The following INPPL1 variants were observed in gnomAD, a reference collection of about 807,000 sequenced individuals.
The protein encoded by INPPL1 is phosphatidylinositol 3,4,5-trisphosphate 5-phosphatase 2.
INPPL1 carries 91 observed loss-of-function variants against 139.3 expected under a neutral mutation model. The ratio of observed to expected loss-of-function variants is 0.65; its 90% confidence interval spans 0.55 to 0.78. The LOEUF is 0.78. Among genes scored for constraint, INPPL1 ranks in the 30% least tolerant of loss-of-function variants. The pLI is 0.00. For missense variants in INPPL1, 1,411 were observed against 1,665.6 expected, an observed-to-expected ratio of 0.85 and a Z score of 2.66; for synonymous variants, 719 against 686.6, an observed-to-expected ratio of 1.05 and a Z score of -0.74.
intron 19 of INPPL1, 92 bp downstream of exon 19, chr11:72,233,836 G>T: frequency 4.4e-6 from 4 of 918,048 alleles, no homozygotes; most frequent in Non-Finnish European, 7.2e-6. Flanking sequence ...CTATGTAAGT[G>T]TGTGTGTGGG....
In INPPL1 at chr11:72,226,097, T is replaced by C. The variant is rs144307763; in HGVS notation, c.182+931T>C. On this transcript the variant is annotated intron_variant, in intron 1 of 27. Transcript: ENST00000298229. The stretch of plus-strand genomic sequence containing the variant: ...CTCTGTGAACCCCCTCCCAAACTCC[T>C]GTCCCACTGTACCTTCCTTACCCCT... Among the ~76,000 whole-genome samples, 50 of 152,206 alleles carry C rather than the reference T, an allele frequency of 3.3e-4. No homozygotes were observed. In the East Asian group the frequency reaches 8.9e-3, roughly 27 times the overall value.
In INPPL1 at chr11:72,228,352, C is replaced by T. The variant is rs957763736; in HGVS notation, c.251C>T (p.Ser84Leu). 3.7e-6 allele frequency: 6 copies of T among 1,613,730 alleles called. No individual in the cohort carries two copies. The highest frequency in any genetic ancestry group is 2.2e-5 in the East Asian group (1 of 44,872). The change falls in exon 3 of 28, where the codon TCG (serine) becomes TTG (leucine). Residue 84 changes from serine (S) to leucine (L), a missense_variant. Transcript: ENST00000298229. This position sits in a 1 kb window ranked among gnomAD's most constrained non-coding sequence, Gnocchi z 5.0. The part of the protein sequence containing the change: ...DGEDFLAVQT[S>L]QGVPVRRFQT... ...CCCACCCTTGCTGGCCCACAGACCT[C>T]GCAGGGTGTGCCTGTGCGCCGCTTC... is the stretch of plus-strand genomic sequence containing the variant.
intron 1 of INPPL1, among the ~76,000 whole-genome samples, chr11:72,226,025 G>A (rs1421806370): frequency 6.6e-6 from 1 of 152,148 alleles, no homozygotes; most frequent in African/African-American, 2.4e-5. Flanking sequence ...TGTGGGGGCT[G>A]CTTTATTTAG....
At chr11:72,231,420 A>G (rs1948831048) in intron 12 of INPPL1, 78 bp from the exon 13 acceptor site, 1 of 1,203,320 alleles carries the variant, frequency 8.3e-7, no homozygotes, top group South Asian at 1.2e-5. Flanking sequence ...GATGGACACA[A>G]AAGTCTATTT....
chr11:72,225,277 G>A (rs559315483), intron 1 of INPPL1, 111 bp downstream of exon 1: 1 of 1,220,248 alleles, frequency 8.2e-7, no homozygotes, highest in Non-Finnish European at 1.0e-6. Flanking sequence ...CGCCAGACCC[G>A]CCTCCACCCC....
Position 72,228,669 on chromosome 11 carries a change from C to A in INPPL1, c.398-58C>A. The A allele has an allele frequency of 1.9e-6, 3 of 1,585,956 alleles. No homozygotes were observed. The South Asian group carries it at 3.4e-5, about 18-fold the overall frequency. On this transcript the variant is annotated intron_variant, in intron 3 of 27. Transcript: ENST00000298229. The surrounding 1 kb of genome is among the most constrained non-coding windows in gnomAD (Gnocchi z 5.0). ...AAGTCACTTTACAGCTGCATCGTGC[C>A]TCCTACTCCACTGAGTGTGGGAGGC...
intron 1 of INPPL1, 138 bp downstream of exon 1, chr11:72,225,304 G>A: frequency 8.2e-7 from 1 of 1,222,462 alleles, no homozygotes; most frequent in Non-Finnish European, 1.0e-6. Context: ...TGGGAGCCTT[G>A]GCTTTCTCCT....
rs958568774 is a variant in INPPL1, at chr11:72,234,634, C to T, written c.2415+19C>T. 6.3e-7 allele frequency: 1 copy of T among 1,590,588 alleles called. No individual in the cohort carries two copies. The highest frequency in any genetic ancestry group is 8.6e-7 in the Non-Finnish European group (1 of 1,159,372). On this transcript the variant is annotated intron_variant, in intron 21 of 27. Coordinates refer to ENST00000298229, the MANE Select transcript of INPPL1 (RefSeq NM_001567.4). This position sits in a 1 kb window ranked among gnomAD's most constrained non-coding sequence, Gnocchi z 4.2. ...GCCCACGGTGAGGCTGTGGGCAGGG[C>T]CCCTGCTTATGGGTGAGGGCACAGA... is the stretch of plus-strand genomic sequence containing the variant.
Position 72,224,952 on chromosome 11 carries a change from CG to C in INPPL1, c.-28del. 1 of 1,067,606 alleles carries C rather than the reference CG, an allele frequency of 9.4e-7. No homozygotes were observed. Among genetic ancestry groups the C allele is most frequent in the Non-Finnish European group, 1.1e-6 (1 of 884,128 alleles). The allele number at this position is 1,067,606 out of a possible 1,614,324, so 66.1% of individuals were successfully genotyped here. A position where few individuals can be genotyped will look rare whatever the true frequency, so the allele number is the denominator to read the frequency against. On this transcript the variant is annotated 5_prime_UTR_variant, in exon 1 of 28. The change abolishes the stop of an existing upstream ORF in the 5' untranslated region. Coordinates refer to ENST00000298229, the MANE Select transcript of INPPL1 (RefSeq NM_001567.4). ...TCTCGGGGCGGATGGCGCGGGGCGG[CG>C]GGGGCGGGCGGTGCTGAGCCCTGCG...
upstream of INPPL1, chr11:72,223,720 G>A: frequency 6.6e-6 from 1 of 151,866 alleles, no homozygotes; most frequent in East Asian, 1.9e-4. Flanking sequence ...TTCCAGAGCG[G>A]GAAGCCGACG....
chr11:72,238,001 G>A, intron 26 of INPPL1, 41 bp from the exon 27 acceptor site: 1 of 1,511,604 alleles, frequency 6.6e-7, no homozygotes, highest in Non-Finnish European at 8.8e-7. Flanking sequence ...GTGTTTCTAT[G>A]GGGGGCACTC....
chr11:72,237,175 C>G lies in INPPL1; in HGVS notation c.2931C>G (p.Pro977=), dbSNP rs1351782724. ...PEPEGVAAPP[P]KNSFNNPAYY... ...CAGAAGGGGTGGCGGCCCCCCCACC[C>G]AAGAACAGCTTCAATAACCCTGCCT... The change falls in exon 26 of 28, where the codon CCC becomes CCG. Residue 977 remains proline, a synonymous_variant. Transcript: ENST00000298229. 1 of 1,611,420 alleles carries G rather than the reference C, an allele frequency of 6.2e-7. No homozygotes were observed. The highest frequency in any genetic ancestry group is 1.3e-5 in the African/African-American group (1 of 74,988).
In INPPL1 at chr11:72,229,539, C is replaced by T. The variant is rs764222606; in HGVS notation, c.734C>T (p.Thr245Ile). The T allele has an allele frequency of 1.2e-6, 2 of 1,614,100 alleles. No individual in the cohort carries two copies. Among genetic ancestry groups the T allele is most frequent in the East Asian group, 4.5e-5 (2 of 44,882 alleles). Residue 245 changes from threonine to isoleucine, a missense_variant, in exon 6 of 28, where the codon ACC becomes ATC. Thr to Ile is a moderately conservative substitution (Grantham distance 89). Transcript: ENST00000298229. ...GACCAGCAGAGCTCGCCCATGGTGA[C>T]CCGCCTTTTGCAGCAGCAGGTAGAT... is the stretch of plus-strand genomic sequence containing the variant. ...VFDQQSSPMV[T>I]RLLQQQNLPQ...
At position 72,232,303 on chromosome 11, in the gene INPPL1, GTCACC is replaced by G. The variant is rs878853121; in HGVS notation, c.1687_1691del (p.Thr563GlyfsTer3). On this transcript the variant is annotated frameshift_variant, in exon 14 of 28. Coordinates refer to ENST00000298229, the MANE Select transcript of INPPL1 (RefSeq NM_001567.4). LOFTEE classifies it high-confidence loss of function. ...GGCACCTCATTTGGCTTTGTGAATT[GTCACC>G]TCACCTCGGGAAATGAGAAGACGGC... 5.8e-6 allele frequency: 9 copies of G among 1,554,546 alleles called. No individual in the cohort carries two copies. Among genetic ancestry groups the G allele is most frequent in the African/African-American group, 2.7e-5 (2 of 73,348 alleles).
intron 14 of INPPL1, 140 bp downstream of exon 14, chr11:72,232,476 C>T: frequency 4.1e-6 from 5 of 1,212,696 alleles, no homozygotes; most frequent in Non-Finnish European, 5.8e-6. Context: ...AATTCAAGAC[C>T]CTTCTGTTCC....
rs747941383 is a variant in INPPL1, at chr11:72,230,179, C to T, written c.998C>T (p.Thr333Met). 15 of 1,611,850 alleles carry T rather than the reference C, an allele frequency of 9.3e-6. No homozygotes were observed. Among genetic ancestry groups the T allele is most frequent in the Admixed American group, 6.7e-5 (4 of 59,872 alleles). Residue 333 changes from threonine (T) to methionine (M), a missense_variant, in exon 9 of 28, where the codon ACG (threonine) becomes ATG (methionine). Around this residue, in one of 5 missense-constraint regions of INPPL1, gnomAD observed 504 missense variants for 595.6 expected, o/e 0.85. Coordinates refer to ENST00000298229, the MANE Select transcript of INPPL1 (RefSeq NM_001567.4). ...LTKIGKSQKFTLSVDVEGGRL... is the reference protein window; with the variant it reads ...LTKIGKSQKFMLSVDVEGGRL... ...AAGATTGGGAAGTCACAGAAGTTCACGCTGAGCGTGGATGTGGAGGGTGGG... is the reference window on the plus strand; with the variant it reads ...AAGATTGGGAAGTCACAGAAGTTCATGCTGAGCGTGGATGTGGAGGGTGGG...
intron 1 of INPPL1, among the ~76,000 whole-genome samples, chr11:72,226,150 C>T (rs1265929912): frequency 4.0e-5 from 6 of 150,760 alleles, no homozygotes; most frequent in South Asian, 2.1e-4. Context: ...TTGGTCGGGG[C>T]GCACATTAGC....
chr11:72,229,167 G>A lies in INPPL1; in HGVS notation c.596G>A (p.Gly199Asp), dbSNP rs201173863. ...GGGCTGGACCTGGAAGCTGTGAGGGGTGGAGCCAGCCACCTGCCCCACCTC... is the reference window on the plus strand; with the variant it reads ...GGGCTGGACCTGGAAGCTGTGAGGGATGGAGCCAGCCACCTGCCCCACCTC... ...SYGLDLEAVR[G>D]GASHLPHLTR... The change falls in exon 5 of 28, where the codon GGT becomes GAT. Residue 199 changes from glycine (G) to aspartate (D), a missense_variant. By Grantham distance (94) the Gly-to-Asp change is moderately conservative (BLOSUM62 -1). Around this residue, in one of 5 missense-constraint regions of INPPL1, gnomAD observed 504 missense variants for 595.6 expected, o/e 0.85. Coordinates refer to ENST00000298229, the MANE Select transcript of INPPL1 (RefSeq NM_001567.4). The A allele has an allele frequency of 1.7e-4, 270 of 1,613,840 alleles. No individual in the cohort carries two copies. Among genetic ancestry groups the A allele is most frequent in the Non-Finnish European group, 2.2e-4 (257 of 1,179,916 alleles).
Position 72,235,496 on chromosome 11 carries a change from C to A in INPPL1, c.2659+45C>A. 1 of 1,596,978 alleles carries A rather than the reference C, an allele frequency of 6.3e-7. No homozygotes were observed. On this transcript the variant is annotated intron_variant, in intron 23 of 27. Transcript: ENST00000298229. This position sits in a 1 kb window ranked among gnomAD's most constrained non-coding sequence, Gnocchi z 4.9. ...ATGAGATAGGGTGGTGTGAACAGAT[C>A]AAGGAGGGCAGGGTGCGGGGGGCAT...
Sources: gnomAD v4.1 joint callset for allele counts (sites outside exome capture counted in the v4.1 genomes callset) on GRCh38, gnomAD v4.1.1 for gene constraint, gnomAD v4.1.1 regional missense constraint, Gnocchi (gnomAD v3.1) non-coding constraint, MANE v1.5 for transcripts, NCBI Gene and HGNC (gene_info 2026-07-23, HGNC 2026-07-21) for gene names.